The following PCDH15 variants were observed in gnomAD, a reference collection of about 807,000 sequenced individuals.
The protein encoded by PCDH15 is protocadherin related 15.
Under a neutral mutation model 178.5 loss-of-function variants are expected in PCDH15, and 129 were observed. That is an observed-to-expected ratio of 0.72 (90% CI 0.63 to 0.84). The LOEUF (loss-of-function observed/expected upper bound fraction) is 0.84, where lower values mean the gene tolerates loss of function less well. Among genes scored for constraint, PCDH15 ranks in the 40% least tolerant of loss-of-function variants. The probability of loss-of-function intolerance (pLI) is 0.00; values close to 1 mark genes in which losing one functional copy is unlikely to be tolerated. For synonymous variants in PCDH15, 800 were observed against 732.0 expected (o/e 1.09, Z -1.50); for missense variants, 2,230 against 2,099.9 (o/e 1.06, Z -1.21).
intron 29 of PCDH15, among the ~76,000 whole-genome samples, chr10:53,835,493 A>G (rs7916446): frequency 0.4 from 60,613 of 151,994 alleles, 12,800 homozygotes; most frequent in East Asian, 0.75. Context: ...TTATACTAAA[A>G]TCATAAATTT....
At chr10:54,152,417 T>C (rs1460178291) in intron 14 of PCDH15, among the ~76,000 whole-genome samples, 1 of 152,030 alleles carries the variant, frequency 6.6e-6, no homozygotes, top group Non-Finnish European at 1.5e-5. Flanking sequence ...ACTTCTTCCA[T>C]AGTTTTATAC....
intron 2 of PCDH15, among the ~76,000 whole-genome samples, chr10:54,636,987 T>C (rs944416386): frequency 6.6e-6 from 1 of 151,920 alleles, no homozygotes; most frequent in African/African-American, 2.4e-5. Flanking sequence ...TTCTCCCAAG[T>C]ATATAAAAGC....
chr10:54,962,184 T>C (rs1008463925), intron 2 of PCDH15, among the ~76,000 whole-genome samples: 1 of 152,242 alleles, frequency 6.6e-6, no homozygotes, highest in African/African-American at 2.4e-5. Flanking sequence ...GACATGCTCC[T>C]GGACTGTAGG....
At chr10:55,099,410 GA>G (rs1417634993) in intron 2 of PCDH15, among the ~76,000 whole-genome samples, 1 of 151,766 alleles carries the variant, frequency 6.6e-6, no homozygotes, top group Non-Finnish European at 1.5e-5. Flanking sequence ...ATTACTAAAA[GA>G]AAAAAATCTG....
chr10:54,414,709 C>T (rs1954064195), intron 3 of PCDH15, among the ~76,000 whole-genome samples: 1 of 151,896 alleles, frequency 6.6e-6, no homozygotes, highest in Non-Finnish European at 1.5e-5. Flanking sequence ...AGATACATGC[C>T]ATTATCAGCA....
chr10:54,154,522 C>A (rs899977035), intron 13 of PCDH15, among the ~76,000 whole-genome samples: 2 of 152,116 alleles, frequency 1.3e-5, no homozygotes, highest in Non-Finnish European at 2.9e-5. Context: ...TAAACATACA[C>A]ATTTACCTTG....
At chr10:53,928,826 G>C (rs1268215655) in intron 25 of PCDH15, among the ~76,000 whole-genome samples, 1 of 151,796 alleles carries the variant, frequency 6.6e-6, no homozygotes, top group Non-Finnish European at 1.5e-5. Flanking sequence ...ATGGCATTTT[G>C]AATCCCAATT....
intron 2 of PCDH15, among the ~76,000 whole-genome samples, chr10:55,387,192 G>C (rs991778641): frequency 3.3e-5 from 5 of 151,954 alleles, no homozygotes; most frequent in Non-Finnish European, 7.4e-5. Context: ...CCAAGACCTG[G>C]ATATTTTCAT....
intron 5 of PCDH15, among the ~76,000 whole-genome samples, chr10:54,351,810 GTTC>G (rs2134265793): frequency 6.6e-6 from 1 of 152,246 alleles, no homozygotes; most frequent in Non-Finnish European, 1.5e-5. Flanking sequence ...GTGAAGTCTA[GTTC>G]TTCCCATGCT....
intron 1 of PCDH15, among the ~76,000 whole-genome samples, chr10:54,673,073 A>AT (rs896669762): frequency 2.6e-5 from 4 of 151,892 alleles, no homozygotes; most frequent in Non-Finnish European, 5.9e-5. Flanking sequence ...AAAGCATGTC[A>AT]TTTAAAAAAA....
At chr10:54,270,660 G>C (rs1265633337) in intron 8 of PCDH15, among the ~76,000 whole-genome samples, 2 of 152,072 alleles carry the variant, frequency 1.3e-5, no homozygotes, top group Non-Finnish European at 2.9e-5. Flanking sequence ...CTTACATGGT[G>C]CAAAATAATA....
intron 25 of PCDH15, among the ~76,000 whole-genome samples, chr10:53,906,320 A>G (rs2082680073): frequency 6.6e-6 from 1 of 151,908 alleles, no homozygotes; most frequent in African/African-American, 2.4e-5. Context: ...TTGAAATGCT[A>G]TAGTGCACTA....
At chr10:54,079,213 AATT>A in intron 17 of PCDH15, 115 bp downstream of exon 17, 1 of 988,764 alleles carries the variant, frequency 1.0e-6, no homozygotes, top group Non-Finnish European at 1.6e-6. Flanking sequence ...CACTTCTAGT[AATT>A]ATAAGAAGTT....
rs1298402612 is a variant in PCDH15, at chr10:53,805,745, T to C, written c.*834A>G. The C allele has an allele frequency of 6.6e-6, 1 of 152,152 alleles. No individual in the cohort carries two copies. Among genetic ancestry groups the C allele is most frequent in the Non-Finnish European group, 1.5e-5 (1 of 68,020 alleles). 9.4% of individuals were successfully genotyped at this position (152,152 alleles called of 1,614,324 possible). A position where few individuals can be genotyped will look rare whatever the true frequency, so the allele number is the denominator to read the frequency against. On this transcript the variant is annotated 3_prime_UTR_variant, in exon 38 of 38. Transcript: ENST00000644397. ...CACCATGTCTTCCATTATGAAATTG[T>C]CGTTCTAGATGCATTACTGCTTACT...
chr10:55,372,486 G>A (rs552618122), intron 2 of PCDH15, among the ~76,000 whole-genome samples: 1 of 152,224 alleles, frequency 6.6e-6, no homozygotes, highest in African/African-American at 2.4e-5. Context: ...AACCCAGTTA[G>A]GTCAGTAATA....
At chr10:54,996,876 C>T (rs575526396) in intron 2 of PCDH15, among the ~76,000 whole-genome samples, 21 of 152,040 alleles carry the variant, frequency 1.4e-4, no homozygotes, top group African/African-American at 4.3e-4. Flanking sequence ...TTTGGGAGCC[C>T]AAGGTAGGTG....
chr10:53,992,802 C>T (rs967150652), intron 21 of PCDH15, among the ~76,000 whole-genome samples: 12 of 152,090 alleles, frequency 7.9e-5, no homozygotes, highest in African/African-American at 2.4e-4. Flanking sequence ...CACGAAAGCA[C>T]GGTAGAAAAA....
chr10:54,499,122 C>A (rs1270539401), intron 3 of PCDH15, among the ~76,000 whole-genome samples: 1 of 152,112 alleles, frequency 6.6e-6, no homozygotes, highest in Non-Finnish European at 1.5e-5. Flanking sequence ...AACCATATCA[C>A]TATTCTAAGT....
chr10:54,992,060 T>C (rs1839514341), intron 2 of PCDH15, among the ~76,000 whole-genome samples: 1 of 152,112 alleles, frequency 6.6e-6, no homozygotes, highest in Non-Finnish European at 1.5e-5. Flanking sequence ...AATGTTTCTA[T>C]GATGATAATA....
Sources: gnomAD v4.1 joint callset for allele counts (sites outside exome capture counted in the v4.1 genomes callset) on GRCh38, gnomAD v4.1.1 for gene constraint, MANE v1.5 for transcripts, NCBI Gene and HGNC (gene_info 2026-07-23, HGNC 2026-07-21) for gene names.